Variants in C10orf90 observed in about 807,000 individuals in gnomAD.
C10orf90 encodes the protein chromosome 10 open reading frame 90.
In C10orf90, 56 loss-of-function variants were observed where a neutral mutation model predicts 62.5. That is an observed-to-expected ratio of 0.90 (90% CI 0.72 to 1.12). The LOEUF (loss-of-function observed/expected upper bound fraction) is 1.12. Among genes scored for constraint, C10orf90 ranks in the 50% most tolerant of loss-of-function variants. The pLI, the probability that C10orf90 is intolerant of heterozygous loss-of-function variation, is 0.00. For missense variants in C10orf90, 970 were observed against 880.4 expected (o/e 1.10, Z -1.29); for synonymous variants, 386 against 340.4 (o/e 1.13, Z -1.47).
intron 4 of C10orf90, among the ~76,000 whole-genome samples, chr10:126,491,321 G>T (rs1861759847): frequency 6.6e-6 from 1 of 152,162 alleles, no homozygotes; most frequent in African/African-American, 2.4e-5. Context: ...GGTGAAGGAA[G>T]ATTGAATGCA....
intron 2 of C10orf90, among the ~76,000 whole-genome samples, chr10:126,625,009 A>C (rs1326211803): frequency 1.3e-5 from 2 of 152,192 alleles, no homozygotes; most frequent in Admixed American, 6.5e-5. Context: ...CTCTTGTTAA[A>C]TCACAATTGT....
chr10:126,540,541 C>T (rs1166453488), intron 2 of C10orf90, among the ~76,000 whole-genome samples: 1 of 152,126 alleles, frequency 6.6e-6, no homozygotes, highest in African/African-American at 2.4e-5. Flanking sequence ...TGCCTACCGT[C>T]CCAGCTACTC....
In C10orf90 at chr10:126,425,169, G is replaced by A. The variant is rs1284356482; in HGVS notation, c.*695C>T. The A allele has an allele frequency of 6.6e-6, 1 of 152,136 alleles. No individual in the cohort carries two copies. The highest frequency in any genetic ancestry group is 1.5e-5 in the Non-Finnish European group (1 of 68,048). The allele number at this position is 152,136 out of a possible 1,614,324, so 9.4% of individuals were successfully genotyped here. ...TTAACAAAAGAACTGTTTTAATGGG[G>A]CGGGGCAGGAGGAGTATTGTAGAAA... On this transcript the variant is annotated 3_prime_UTR_variant, in exon 10 of 10. Coordinates refer to ENST00000488181, the MANE Select transcript of C10orf90 (RefSeq NM_001350921.2).
chr10:126,475,105 A>G (rs1860788767), intron 4 of C10orf90, among the ~76,000 whole-genome samples: 1 of 152,212 alleles, frequency 6.6e-6, no homozygotes, highest in Admixed American at 6.5e-5. Context: ...ATCACCAAAC[A>G]AATATATCCA....
chr10:126,633,148 G>T (rs775220290), intron 2 of C10orf90, among the ~76,000 whole-genome samples: 4 of 152,180 alleles, frequency 2.6e-5, no homozygotes, highest in Non-Finnish European at 5.9e-5. Flanking sequence ...TGATAAAACT[G>T]CCTGGAAGGG....
At chr10:126,497,816 G>A (rs1862151849) in intron 4 of C10orf90, among the ~76,000 whole-genome samples, 1 of 152,160 alleles carries the variant, frequency 6.6e-6, no homozygotes. Flanking sequence ...AATTGGCATG[G>A]CTATTTTCAA....
intron 2 of C10orf90, among the ~76,000 whole-genome samples, chr10:126,541,922 C>G (rs145736242): frequency 1.3e-3 from 191 of 152,254 alleles, no homozygotes; most frequent in African/African-American, 4.3e-3. Context: ...GGAATCAACC[C>G]AAATGTCCAT....
chr10:126,450,467 C>A (rs184338317), intron 7 of C10orf90, among the ~76,000 whole-genome samples: 23 of 152,258 alleles, frequency 1.5e-4, no homozygotes, highest in Middle Eastern at 3.4e-3. Flanking sequence ...TCATAGTAAT[C>A]AAAACAGCAT....
intron 2 of C10orf90, among the ~76,000 whole-genome samples, chr10:126,635,299 A>G (rs1246384324): frequency 6.6e-6 from 1 of 152,186 alleles, no homozygotes; most frequent in Non-Finnish European, 1.5e-5. Flanking sequence ...GCTTCTTCCC[A>G]TCTTCCAGTT....
chr10:126,596,376 T>TA (rs35029008), intron 2 of C10orf90, among the ~76,000 whole-genome samples: 295 of 135,564 alleles, frequency 2.2e-3, no homozygotes, highest in East Asian at 7.1e-3. Flanking sequence ...GACACTTATT[T>TA]AAAAAAAAAA....
chr10:126,470,810 A>G (rs1406390336), intron 4 of C10orf90, among the ~76,000 whole-genome samples: 1 of 152,090 alleles, frequency 6.6e-6, no homozygotes, highest in African/African-American at 2.4e-5. Flanking sequence ...GAAGAAAAGA[A>G]AAGAAAACAG....
chr10:126,449,853 C>T (rs571531535), intron 7 of C10orf90, among the ~76,000 whole-genome samples: 213 of 151,996 alleles, frequency 1.4e-3, no homozygotes, highest in African/African-American at 4.3e-3. Context: ...AAAAATTAGC[C>T]GGGCATGGTG....
intron 4 of C10orf90, among the ~76,000 whole-genome samples, chr10:126,483,159 C>G (rs1373306021): frequency 6.6e-6 from 1 of 152,222 alleles, no homozygotes; most frequent in Non-Finnish European, 1.5e-5. Flanking sequence ...TAGCCTGTGG[C>G]CAGCAGATTC....
At chr10:126,463,020 AC>A (rs947360516) in intron 5 of C10orf90, among the ~76,000 whole-genome samples, 1 of 93,064 alleles carries the variant, frequency 1.1e-5, no homozygotes, top group African/African-American at 4.1e-5. Flanking sequence ...TGCCCCACCC[AC>A]CCCCCGTCTC....
chr10:126,500,206 G>A (rs1209688056), intron 4 of C10orf90, among the ~76,000 whole-genome samples: 4 of 152,214 alleles, frequency 2.6e-5, no homozygotes, highest in South Asian at 4.1e-4. Flanking sequence ...TTCATAAGCA[G>A]CCTTCAGATA....
intron 2 of C10orf90, among the ~76,000 whole-genome samples, chr10:126,579,455 G>A (rs947587784): frequency 6.6e-6 from 1 of 151,826 alleles, no homozygotes; most frequent in Non-Finnish European, 1.5e-5. Context: ...TGGCCAGGCT[G>A]GTCTCGAACT....
intron 3 of C10orf90, among the ~76,000 whole-genome samples, chr10:126,511,736 A>G (rs1863119342): frequency 6.6e-6 from 1 of 152,210 alleles, no homozygotes; most frequent in Admixed American, 6.5e-5. Flanking sequence ...GTTAATATGC[A>G]TCACAGTCTT....
chr10:126,487,142 CAAA>C (rs1158481155), intron 4 of C10orf90, among the ~76,000 whole-genome samples: 72 of 29,452 alleles, frequency 2.4e-3, no homozygotes, highest in East Asian at 6.2e-3. Context: ...AAAACTCTGT[CAAA>C]AAAAAAAAAA....
chr10:126,432,529 T>C (rs904985145), intron 7 of C10orf90, among the ~76,000 whole-genome samples: 8 of 152,120 alleles, frequency 5.3e-5, no homozygotes, highest in African/African-American at 1.9e-4. Flanking sequence ...AATGCCACCA[T>C]GTGTCAAAGG....
Sources: gnomAD v4.1 joint callset for allele counts (sites outside exome capture counted in the v4.1 genomes callset) on GRCh38, gnomAD v4.1.1 for gene constraint, MANE v1.5 for transcripts, NCBI Gene and HGNC (gene_info 2026-07-23, HGNC 2026-07-21) for gene names.